The following MGAT4C variants were observed in gnomAD, a reference collection of about 807,000 sequenced individuals.
MGAT4C encodes MGAT4 family member C.
In MGAT4C, 19 loss-of-function variants were observed where a neutral mutation model predicts 40.1. That is an observed-to-expected ratio of 0.47 (90% CI 0.33 to 0.70). The LOEUF is 0.70. MGAT4C is among the 30% of genes least tolerant of loss of function. The pLI, the probability that MGAT4C is intolerant of heterozygous loss-of-function variation, is 0.02. For synonymous variants in MGAT4C, 181 were observed against 187.1 expected (o/e 0.97, Z 0.27); for missense variants, 491 against 563.2 (o/e 0.87, Z 1.30).
At chr12:86,729,142 A>G (rs1179301575) in intron 1 of MGAT4C, among the ~76,000 whole-genome samples, 1 of 152,184 alleles carries the variant, frequency 6.6e-6, no homozygotes, top group Non-Finnish European at 1.5e-5. Flanking sequence ...ATGCTATTAT[A>G]TTTGCTAGCA....
At chr12:86,452,828 T>C (rs1015103834) in intron 2 of MGAT4C, among the ~76,000 whole-genome samples, 2 of 152,146 alleles carry the variant, frequency 1.3e-5, no homozygotes, top group Non-Finnish European at 2.9e-5. Context: ...GTAGACTGTA[T>C]TTGTCTATTC....
chr12:86,834,676 T>A (rs1953001617), intron 1 of MGAT4C, among the ~76,000 whole-genome samples: 1 of 150,118 alleles, frequency 6.7e-6, no homozygotes, highest in East Asian at 1.9e-4. Context: ...AATTATAACA[T>A]AGGCTTTAAT....
chr12:86,607,208 T>C (rs1398439749), intron 2 of MGAT4C, among the ~76,000 whole-genome samples: 1 of 152,024 alleles, frequency 6.6e-6, no homozygotes, highest in Non-Finnish European at 1.5e-5. Flanking sequence ...TTCCTACCAC[T>C]CATAATGTAT....
At chr12:86,362,963 A>G (rs570464203) in intron 3 of MGAT4C, among the ~76,000 whole-genome samples, 53 of 152,234 alleles carry the variant, frequency 3.5e-4, no homozygotes, top group African/African-American at 1.1e-3. Flanking sequence ...AAGGCAAACA[A>G]TATAAAGACC....
At chr12:86,445,510 A>C (rs1435401270) in intron 2 of MGAT4C, among the ~76,000 whole-genome samples, 1 of 152,148 alleles carries the variant, frequency 6.6e-6, no homozygotes, top group East Asian at 1.9e-4. Flanking sequence ...CTGAAAATGT[A>C]CTCATCTTAT....
chr12:86,297,946 GA>G (rs1953719383), intron 4 of MGAT4C, among the ~76,000 whole-genome samples: 1 of 152,000 alleles, frequency 6.6e-6, no homozygotes, highest in Non-Finnish European at 1.5e-5. Flanking sequence ...TCAGTGATGG[GA>G]AAAAATGATT....
At chr12:86,512,176 C>T (rs985282305) in intron 2 of MGAT4C, among the ~76,000 whole-genome samples, 1 of 152,028 alleles carries the variant, frequency 6.6e-6, no homozygotes, top group African/African-American at 2.4e-5. Flanking sequence ...AGATACTTAA[C>T]ATCATTAATT....
At chr12:86,720,787 G>T (rs1025042560) in intron 2 of MGAT4C, among the ~76,000 whole-genome samples, 2 of 152,144 alleles carry the variant, frequency 1.3e-5, no homozygotes, top group Non-Finnish European at 2.9e-5. Flanking sequence ...ATGAAATTTG[G>T]ATTTAGTCAT....
chr12:86,701,934 T>C (rs1950370808), intron 2 of MGAT4C, among the ~76,000 whole-genome samples: 1 of 152,070 alleles, frequency 6.6e-6, no homozygotes, highest in Non-Finnish European at 1.5e-5. Flanking sequence ...TAACATAAAA[T>C]TGAAAGTGGA....
At chr12:86,405,007 T>A (rs1201162665) in intron 3 of MGAT4C, among the ~76,000 whole-genome samples, 1 of 152,012 alleles carries the variant, frequency 6.6e-6, no homozygotes, top group Admixed American at 6.6e-5. Context: ...ATATTCCATC[T>A]CTCAATCTTT....
At position 86,001,642 on chromosome 12, in the gene MGAT4C, C is replaced by T. The variant is rs571749404; in HGVS notation, c.-6-12090G>A. On this transcript the variant is annotated intron_variant, in intron 2 of 4. Transcript: ENST00000611864. ...TACACTATACAGAGGCTGAGTTAGT[C>T]CTGTTTCTTTTTGTAAGAAGTTGGT... 4.1e-6 allele frequency: 4 copies of T among 984,166 alleles called. No homozygotes were observed. The South Asian group carries it at 1.4e-4, about 35-fold the overall frequency. 61.0% of individuals were successfully genotyped at this position (984,166 alleles called of 1,614,324 possible). A position where few individuals can be genotyped will look rare whatever the true frequency, so the allele number is the denominator to read the frequency against.
chr12:86,820,684 G>C (rs967562493), intron 1 of MGAT4C, among the ~76,000 whole-genome samples: 1 of 150,652 alleles, frequency 6.6e-6, no homozygotes. Flanking sequence ...TTTTTCAAAG[G>C]TTCCACTACA....
chr12:86,144,006 TA>T (rs1379485914), intron 1 of MGAT4C, among the ~76,000 whole-genome samples: 1 of 152,176 alleles, frequency 6.6e-6, no homozygotes, highest in Admixed American at 6.5e-5. Flanking sequence ...GCCTAGCACA[TA>T]ATATGTGTTA....
chr12:86,228,554 A>G (rs1474421827), intron 1 of MGAT4C, among the ~76,000 whole-genome samples: 1 of 151,866 alleles, frequency 6.6e-6, no homozygotes, highest in Non-Finnish European at 1.5e-5. Flanking sequence ...AGAAGCAGGA[A>G]TCAAGAGAAT....
chr12:86,256,624 A>G (rs976765002), upstream of MGAT4C, among the ~76,000 whole-genome samples: 4 of 152,166 alleles, frequency 2.6e-5, no homozygotes, highest in African/African-American at 9.6e-5. Context: ...TAATTATGCT[A>G]AGACTGATTT....
intron 1 of MGAT4C, among the ~76,000 whole-genome samples, chr12:86,104,736 T>C (rs958126852): frequency 6.6e-6 from 1 of 152,214 alleles, no homozygotes; most frequent in Non-Finnish European, 1.5e-5. Flanking sequence ...ATAAGTGAAG[T>C]ATGTTTTCTG....
At chr12:86,767,169 A>G (rs906691740) in intron 1 of MGAT4C, among the ~76,000 whole-genome samples, 1 of 152,218 alleles carries the variant, frequency 6.6e-6, no homozygotes, top group Non-Finnish European at 1.5e-5. Context: ...ACAATAAAAA[A>G]TGATAAAGGG....
chr12:86,545,032 A>C (rs895907384), intron 2 of MGAT4C, among the ~76,000 whole-genome samples: 1 of 152,030 alleles, frequency 6.6e-6, no homozygotes, highest in Non-Finnish European at 1.5e-5. Flanking sequence ...TCTATGTCCA[A>C]AGTGTGCCTT....
intron 3 of MGAT4C, among the ~76,000 whole-genome samples, chr12:86,386,627 A>G (rs1480022957): frequency 6.6e-6 from 1 of 152,198 alleles, no homozygotes; most frequent in Non-Finnish European, 1.5e-5. Flanking sequence ...GCCTATTTCA[A>G]TGCTTGTTTC....
Sources: gnomAD v4.1 joint callset for allele counts (sites outside exome capture counted in the v4.1 genomes callset) on GRCh38, gnomAD v4.1.1 for gene constraint, MANE v1.5 for transcripts, NCBI Gene and HGNC (gene_info 2026-07-23, HGNC 2026-07-21) for gene names.